Variants in IL1RAPL1 observed in about 807,000 individuals in gnomAD.
The protein encoded by IL1RAPL1 is interleukin-1 receptor accessory protein-like 1.
In IL1RAPL1, 3 loss-of-function variants were observed where a neutral mutation model predicts 48.4. The observed-to-expected ratio is 0.06, with a 90% confidence interval of 0.03 to 0.16. IL1RAPL1 has a LOEUF of 0.16. IL1RAPL1 is among the 10% of genes least tolerant of loss of function. IL1RAPL1 has a pLI of 1.00. For missense variants in IL1RAPL1, 349 were observed against 530.6 expected, an observed-to-expected ratio of 0.66 and a Z score of 3.36; for synonymous variants, 185 against 187.7, an observed-to-expected ratio of 0.99 and a Z score of 0.12.
At chrX:29,340,554 G>C (rs994156627) in intron 3 of IL1RAPL1, among the ~76,000 whole-genome samples, 1 of 111,070 alleles carries the variant, frequency 9.0e-6, no homozygotes, top group Non-Finnish European at 1.9e-5. Context: ...AATTTTTTTT[G>C]GAATAGCAAT....
chrX:28,592,725 G>C (rs1933917862), intron 1 of IL1RAPL1, among the ~76,000 whole-genome samples: 1 of 111,479 alleles, frequency 9.0e-6, no homozygotes, highest in Non-Finnish European at 1.9e-5. Flanking sequence ...TAGTAGTCCT[G>C]GGCTTAAAAT....
intron 6 of IL1RAPL1, among the ~76,000 whole-genome samples, chrX:29,748,956 T>C (rs781620763): frequency 5.9e-4 from 67 of 112,804 alleles, no homozygotes; most frequent in African/African-American, 2.1e-3. Flanking sequence ...ATCTAAAATA[T>C]GAAGATGACT....
In IL1RAPL1 at chrX:29,223,168, T is replaced by A. The variant is rs532913215; in HGVS notation, c.83-59770T>A. On this transcript the variant is annotated intron_variant, in intron 2 of 10. Transcript: ENST00000378993. ...AGTTTTAAAAAAAAATGGTACATTCTCTTTGCCCTTGAGGTAATGTCAGCA... is the reference window on the plus strand; with the variant it reads ...AGTTTTAAAAAAAAATGGTACATTCACTTTGCCCTTGAGGTAATGTCAGCA... 7.1e-5 allele frequency among the ~76,000 whole-genome samples: 8 copies of A among 112,030 alleles called. No individual in the cohort carries two copies. The South Asian group carries it at 3.0e-3, about 42-fold the overall frequency.
intron 5 of IL1RAPL1, among the ~76,000 whole-genome samples, chrX:29,643,961 A>T (rs1279470341): frequency 8.9e-6 from 1 of 112,128 alleles, no homozygotes; most frequent in Non-Finnish European, 1.9e-5. Context: ...GGACTTCAAG[A>T]TATATTTTTT....
At chrX:28,620,024 A>G (rs1435063099) in intron 1 of IL1RAPL1, among the ~76,000 whole-genome samples, 1 of 111,045 alleles carries the variant, frequency 9.0e-6, no homozygotes, top group African/African-American at 3.3e-5. Flanking sequence ...TGTCTCTTAC[A>G]TGGATATTCA....
chrX:29,203,538 T>A (rs927042620), intron 2 of IL1RAPL1, among the ~76,000 whole-genome samples: 1 of 108,830 alleles, frequency 9.2e-6, no homozygotes, highest in African/African-American at 3.4e-5. Flanking sequence ...CTGACCAACA[T>A]GGAGAAACCC....
chrX:29,420,971 G>C (rs746098105), intron 5 of IL1RAPL1, among the ~76,000 whole-genome samples: 1 of 111,967 alleles, frequency 8.9e-6, no homozygotes, highest in South Asian at 3.7e-4. Context: ...TCTTAAGTCA[G>C]CACAAAATTT....
intron 2 of IL1RAPL1, among the ~76,000 whole-genome samples, chrX:29,159,557 T>G (rs1028167566): frequency 1.8e-5 from 2 of 111,981 alleles, no homozygotes; most frequent in Admixed American, 9.5e-5. Context: ...GAAATGTCTG[T>G]GAATTTCTGA....
intron 5 of IL1RAPL1, among the ~76,000 whole-genome samples, chrX:29,666,905 A>G (rs1434393794): frequency 8.9e-6 from 1 of 111,915 alleles, no homozygotes; most frequent in East Asian, 2.8e-4. Context: ...TTTGATAACC[A>G]GAGTCTAAGA....
At chrX:29,327,199 A>G (rs1178495221) in intron 3 of IL1RAPL1, among the ~76,000 whole-genome samples, 1 of 110,954 alleles carries the variant, frequency 9.0e-6, no homozygotes, top group East Asian at 2.8e-4. Flanking sequence ...AGAGTTGAAA[A>G]CCAAGGTTTC....
intron 2 of IL1RAPL1, among the ~76,000 whole-genome samples, chrX:28,971,876 T>TTGTG (rs3066657): frequency 0.1 from 8,716 of 84,333 alleles, 501 homozygotes; most frequent in African/African-American, 0.2. Flanking sequence ...ACTCTGAAAA[T>TTGTG]TGTGTGTGTG....
At chrX:29,469,007 T>A (rs1240771587) in intron 5 of IL1RAPL1, among the ~76,000 whole-genome samples, 2 of 111,399 alleles carry the variant, frequency 1.8e-5, no homozygotes, top group Non-Finnish European at 3.8e-5. Flanking sequence ...GTGAAAAAAA[T>A]AACGGGAAGT....
At chrX:29,362,919 T>G (rs759407380) in intron 3 of IL1RAPL1, among the ~76,000 whole-genome samples, 2 of 112,122 alleles carry the variant, frequency 1.8e-5, no homozygotes, top group Non-Finnish European at 3.8e-5. Context: ...TCTAAGCATC[T>G]TACAAGCATT....
chrX:28,852,203 T>C (rs2147297453), intron 2 of IL1RAPL1, among the ~76,000 whole-genome samples: 2 of 111,760 alleles, frequency 1.8e-5, no homozygotes, highest in African/African-American at 6.5e-5. Flanking sequence ...TTAGACCTTT[T>C]GCAAAGAAAA....
At chrX:29,534,435 G>T (rs1184566718) in intron 5 of IL1RAPL1, among the ~76,000 whole-genome samples, 1 of 112,096 alleles carries the variant, frequency 8.9e-6, no homozygotes, top group Non-Finnish European at 1.9e-5. Context: ...GTAAACATGA[G>T]ATAATCTGAC....
chrX:29,873,473 T>C lies in IL1RAPL1; in HGVS notation c.779-43991T>C, dbSNP rs1303199733. On this transcript the variant is annotated intron_variant, in intron 6 of 10. Coordinates refer to ENST00000378993, the MANE Select transcript of IL1RAPL1 (RefSeq NM_014271.4). ...GTTGATTAGGCTCTGCCCTCATGAATGGGATTGATGCCTGCGTAAAAGAGG... is the reference window on the plus strand; with the variant it reads ...GTTGATTAGGCTCTGCCCTCATGAACGGGATTGATGCCTGCGTAAAAGAGG... 3.7e-4 allele frequency among the ~76,000 whole-genome samples: 40 copies of C among 108,361 alleles called. No homozygotes were observed. In the Admixed American group the frequency reaches 4.0e-3, roughly 11 times the overall value. 94.1% of individuals were successfully genotyped at this position (108,361 alleles called of 115,157 possible).
intron 5 of IL1RAPL1, among the ~76,000 whole-genome samples, chrX:29,423,570 A>G (rs1569308308): frequency 8.9e-6 from 1 of 112,337 alleles, no homozygotes. Context: ...AAACCATGGT[A>G]AAATTATAAC....
intron 2 of IL1RAPL1, among the ~76,000 whole-genome samples, chrX:29,069,337 A>G (rs1225999092): frequency 9.0e-6 from 1 of 111,683 alleles, no homozygotes; most frequent in Non-Finnish European, 1.9e-5. Flanking sequence ...TGCTCTAACA[A>G]TGAGGAAAAA....
chrX:28,675,887 A>G (rs1934991972), intron 1 of IL1RAPL1, among the ~76,000 whole-genome samples: 1 of 112,154 alleles, frequency 8.9e-6, no homozygotes, highest in Non-Finnish European at 1.9e-5. Flanking sequence ...GATGCAGAAC[A>G]TGTAACTGGG....
Sources: gnomAD v4.1 joint callset for allele counts (sites outside exome capture counted in the v4.1 genomes callset) on GRCh38, gnomAD v4.1.1 for gene constraint, MANE v1.5 for transcripts, NCBI Gene and HGNC (gene_info 2026-07-23, HGNC 2026-07-21) for gene names.